Variants in RAP1GAP2 observed in about 807,000 individuals in gnomAD.
RAP1GAP2 encodes the protein rap1 GTPase-activating protein 2.
In RAP1GAP2, 27 loss-of-function variants were observed where a neutral mutation model predicts 95.0. The observed-to-expected ratio is 0.28, with a 90% CI of 0.21 to 0.39. The LOEUF is 0.39. RAP1GAP2 is among the 10% of genes least tolerant of loss of function. RAP1GAP2 has a pLI of 1.00. For synonymous variants in RAP1GAP2, 373 were observed against 380.9 expected, an observed-to-expected ratio of 0.98 and a Z score of 0.24; for missense variants, 771 against 970.0, an observed-to-expected ratio of 0.79 and a Z score of 2.72.
chr17:3,019,120 A>G (rs2151641442), intron 18 of RAP1GAP2, among the ~76,000 whole-genome samples: 1 of 152,282 alleles, frequency 6.6e-6, no homozygotes, highest in African/African-American at 2.4e-5. Flanking sequence ...TGCTGGATCC[A>G]AAGTCTGTGC....
rs561077799 is a variant in RAP1GAP2, at chr17:2,762,522, T to C, written c.50+6755T>C. ...AAGTGATTCTCCTGCCTCAGCCTCC[T>C]GAATAGCTGGGATTAGAGGTGCCCA... On this transcript the variant is annotated intron_variant, in intron 1 of 25. Coordinates refer to the RAP1GAP2 transcript ENST00000637138. 5.9e-5 allele frequency among the ~76,000 whole-genome samples: 9 copies of C among 151,386 alleles called. No homozygotes were observed. In the East Asian group the frequency reaches 1.8e-3, roughly 30 times the overall value.
chr17:3,001,579 G>A (rs1015591389), intron 14 of RAP1GAP2, among the ~76,000 whole-genome samples: 5 of 143,294 alleles, frequency 3.5e-5, no homozygotes, highest in Admixed American at 6.8e-5. Context: ...AGTGAGGCTC[G>A]TGGAGGTAAC....
chr17:2,989,553 G>A (rs2045682776), intron 11 of RAP1GAP2, among the ~76,000 whole-genome samples: 1 of 152,078 alleles, frequency 6.6e-6, no homozygotes. Context: ...GGCTGGTTTC[G>A]AACTCTGGAC....
chr17:2,995,505 G>A (rs776956794), intron 13 of RAP1GAP2, 39 bp downstream of exon 13: 3 of 1,610,740 alleles, frequency 1.9e-6, no homozygotes, highest in South Asian at 2.2e-5. Context: ...CCCAGGGCGG[G>A]CGAGGTGAGG....
At chr17:2,979,282 GA>G (rs765440982) in intron 8 of RAP1GAP2, among the ~76,000 whole-genome samples, 1 of 152,066 alleles carries the variant, frequency 6.6e-6, no homozygotes, top group Non-Finnish European at 1.5e-5. Context: ...CCCAGATTTT[GA>G]AATACTAGGT....
chr17:2,830,986 T>A, intron 2 of RAP1GAP2, among the ~76,000 whole-genome samples: 1 of 74,082 alleles, frequency 1.3e-5, no homozygotes, highest in South Asian at 6.2e-4. Context: ...TCCCCTACCC[T>A]TCCCTCCACT....
intron 2 of RAP1GAP2, among the ~76,000 whole-genome samples, chr17:2,881,696 G>T (rs1259924393): frequency 6.6e-6 from 1 of 152,068 alleles, no homozygotes; most frequent in Admixed American, 6.6e-5. Flanking sequence ...TTTGAGGAGC[G>T]TCCACACTTT....
intron 10 of RAP1GAP2, among the ~76,000 whole-genome samples, chr17:2,982,214 A>C (rs1184082591): frequency 1.3e-5 from 2 of 152,188 alleles, no homozygotes; most frequent in Non-Finnish European, 2.9e-5. Flanking sequence ...ATCTTGGCTC[A>C]CTGCAACCTG....
chr17:2,862,198 G>A (rs1015180183), intron 2 of RAP1GAP2, among the ~76,000 whole-genome samples: 1 of 152,150 alleles, frequency 6.6e-6, no homozygotes, highest in African/African-American at 2.4e-5. Flanking sequence ...GGCTCTTCTT[G>A]ACACTGCGTT....
chr17:2,834,760 G>C (rs987667036), intron 2 of RAP1GAP2, among the ~76,000 whole-genome samples: 2 of 152,006 alleles, frequency 1.3e-5, no homozygotes, highest in Non-Finnish European at 2.9e-5. Flanking sequence ...TCTCATCACT[G>C]TACTCCAGCC....
chr17:2,841,016 G>A (rs2071352245), intron 2 of RAP1GAP2, among the ~76,000 whole-genome samples: 2 of 148,318 alleles, frequency 1.3e-5, no homozygotes, highest in African/African-American at 2.5e-5. Flanking sequence ...AAAGACCGGT[G>A]TGGTGGCTCA....
At chr17:2,853,134 T>C (rs551093334) in intron 2 of RAP1GAP2, among the ~76,000 whole-genome samples, 1 of 152,148 alleles carries the variant, frequency 6.6e-6, no homozygotes, top group African/African-American at 2.4e-5. Context: ...CAGCCCACTC[T>C]GCATCCCAGC....
upstream of RAP1GAP2, among the ~76,000 whole-genome samples, chr17:2,774,786 C>G (rs971364769): frequency 2.7e-5 from 4 of 150,242 alleles, no homozygotes; most frequent in South Asian, 8.4e-4. Context: ...CCACGCCCAG[C>G]CAGCCACCAT....
chr17:2,887,499 C>T (rs568985280), intron 2 of RAP1GAP2, among the ~76,000 whole-genome samples: 28 of 151,988 alleles, frequency 1.8e-4, no homozygotes, highest in Admixed American at 1.1e-3. Context: ...CTTAGCCTCC[C>T]GAGTAGCTGG....
At chr17:2,948,909 C>T (rs1459827543) in intron 3 of RAP1GAP2, among the ~76,000 whole-genome samples, 2 of 152,180 alleles carry the variant, frequency 1.3e-5, no homozygotes, top group Non-Finnish European at 2.9e-5. Context: ...AGTGGGCTGG[C>T]ACCCGAACCG....
chr17:2,941,391 G>A (rs1303583691), intron 3 of RAP1GAP2, among the ~76,000 whole-genome samples: 1 of 152,088 alleles, frequency 6.6e-6, no homozygotes, highest in Non-Finnish European at 1.5e-5. Context: ...CTGGGCAACA[G>A]AGCAAGACTC....
At chr17:2,916,717 A>T (rs921489417) in intron 3 of RAP1GAP2, among the ~76,000 whole-genome samples, 19 of 152,210 alleles carry the variant, frequency 1.2e-4, no homozygotes, top group African/African-American at 4.6e-4. Context: ...TCTGATACGC[A>T]GGTGCTCCGT....
intron 8 of RAP1GAP2, among the ~76,000 whole-genome samples, chr17:2,979,034 A>G (rs1395850595): frequency 6.6e-5 from 10 of 152,164 alleles, no homozygotes; most frequent in Non-Finnish European, 1.3e-4. Flanking sequence ...TAAAAATAAT[A>G]TGTCAGAAGT....
intron 1 of RAP1GAP2, among the ~76,000 whole-genome samples, chr17:2,790,979 C>T (rs995555074): frequency 2.0e-5 from 3 of 152,186 alleles, no homozygotes; most frequent in Admixed American, 1.3e-4. Flanking sequence ...CTGAGGTGGA[C>T]GGATCTTTTG....
Sources: allele counts gnomAD v4.1 joint callset (sites outside exome capture counted in the v4.1 genomes callset), GRCh38; gene constraint gnomAD v4.1.1; transcripts MANE v1.5; gene names NCBI Gene and HGNC (gene_info 2026-07-23, HGNC 2026-07-21).